NAV3: variants seen among roughly 807,000 people sequenced by gnomAD.
NAV3 encodes neuron navigator 3, also known as pore membrane and/or filament interacting like protein 1.
In NAV3, 87 loss-of-function variants were observed where a neutral mutation model predicts 244.7. The ratio of observed to expected loss-of-function variants is 0.36; its 90% CI spans 0.30 to 0.42. The LOEUF is 0.42. NAV3 is among the 20% of genes least tolerant of loss of function. The probability of loss-of-function intolerance (pLI) is 1.00; values close to 1 mark genes in which losing one functional copy is unlikely to be tolerated. For missense variants in NAV3, 2,663 were observed against 2,893.3 expected (o/e 0.92, Z 1.83); for synonymous variants, 1,126 against 1,042.2 (o/e 1.08, Z -1.55).
At chr12:77,605,690 G>A (rs1870640030) in intron 2 of NAV3, among the ~76,000 whole-genome samples, 1 of 152,044 alleles carries the variant, frequency 6.6e-6, no homozygotes, top group African/African-American at 2.4e-5. Context: ...TAGTAAAAGA[G>A]TACATCCTAT....
At chr12:77,827,252 A>C (rs1399387288), upstream of NAV3, among the ~76,000 whole-genome samples, 1 of 151,416 alleles carries the variant, frequency 6.6e-6, no homozygotes, top group East Asian at 1.9e-4. Context: ...AAAAAAAAAA[A>C]AAAAAAAAAG....
rs558499222 is a variant in NAV3 at position 77,830,924 on chromosome 12, G to A, written c.-538G>A. The A allele has an allele frequency of 6.6e-6, 1 of 152,206 alleles. No individual in the cohort carries two copies. The highest frequency in any genetic ancestry group is 6.5e-5 in the Admixed American group (1 of 15,290). 9.4% of individuals were successfully genotyped at this position (152,206 alleles called of 1,614,324 possible). On this transcript the variant is annotated 5_prime_UTR_variant, in exon 1 of 40. Coordinates refer to ENST00000397909, the MANE Select transcript of NAV3 (RefSeq NM_001024383.2). ...CAGGAAGAACCCCTGTCCTTCCACTGTTGTGGTCTTTTGGCTGCTCTGACA... is the reference window on the plus strand; with the variant it reads ...CAGGAAGAACCCCTGTCCTTCCACTATTGTGGTCTTTTGGCTGCTCTGACA...
At chr12:77,727,049 TAGC>T (rs1876909228) in intron 2 of NAV3, among the ~76,000 whole-genome samples, 1 of 152,060 alleles carries the variant, frequency 6.6e-6, no homozygotes, top group East Asian at 1.9e-4. Flanking sequence ...TGAATGAAGA[TAGC>T]AGAAGGAGAC....
intron 9 of NAV3, among the ~76,000 whole-genome samples, chr12:78,035,034 T>G (rs182501905): frequency 6.6e-6 from 1 of 152,202 alleles, no homozygotes; most frequent in South Asian, 2.1e-4. Flanking sequence ...AATTTCCTTT[T>G]CATATCTATA....
intron 1 of NAV3, among the ~76,000 whole-genome samples, chr12:77,920,066 T>C (rs1190529274): frequency 1.3e-5 from 2 of 152,178 alleles, no homozygotes; most frequent in East Asian, 3.9e-4. Context: ...TGTTAAGAAC[T>C]CTAGAGATTG....
chr12:77,813,501 C>A (rs1872391754), intron 2 of NAV3, among the ~76,000 whole-genome samples: 1 of 152,116 alleles, frequency 6.6e-6, no homozygotes, highest in South Asian at 2.1e-4. Flanking sequence ...ATTCAGATCA[C>A]CAGATATCAT....
chr12:78,123,755 G>A (rs749606108), intron 16 of NAV3, among the ~76,000 whole-genome samples: 5 of 152,164 alleles, frequency 3.3e-5, no homozygotes, highest in Non-Finnish European at 5.9e-5. Flanking sequence ...CTCAGTGATA[G>A]CAAATAAAAT....
At chr12:77,621,661 T>G (rs889668818) in intron 2 of NAV3, among the ~76,000 whole-genome samples, 8 of 151,704 alleles carry the variant, frequency 5.3e-5, no homozygotes, top group African/African-American at 1.9e-4. Flanking sequence ...TGTATTTTTA[T>G]TAGAGACGGG....
At chr12:77,630,193 T>C (rs1233780823) in intron 2 of NAV3, among the ~76,000 whole-genome samples, 4 of 151,340 alleles carry the variant, frequency 2.6e-5, no homozygotes, top group Non-Finnish European at 4.4e-5. Flanking sequence ...GGAGGAGGAG[T>C]GTGAACAGCA....
chr12:77,703,650 G>A (rs1209862013), intron 2 of NAV3, among the ~76,000 whole-genome samples: 1 of 152,044 alleles, frequency 6.6e-6, no homozygotes, highest in Non-Finnish European at 1.5e-5. Context: ...AAACTATGAG[G>A]GTTCAAATTC....
At chr12:77,616,849 TCAA>T (rs1268558908) in intron 2 of NAV3, among the ~76,000 whole-genome samples, 1 of 152,188 alleles carries the variant, frequency 6.6e-6, no homozygotes, top group Non-Finnish European at 1.5e-5. Context: ...GCAGAAAATC[TCAA>T]CAACTTTTCT....
intron 2 of NAV3, among the ~76,000 whole-genome samples, chr12:77,769,521 C>T (rs1246977418): frequency 6.6e-6 from 1 of 152,120 alleles, no homozygotes; most frequent in Admixed American, 6.5e-5. Context: ...TTTCTCTATA[C>T]ATTTTTTTAT....
chr12:78,109,779 A>G (rs1954993884), intron 12 of NAV3, among the ~76,000 whole-genome samples: 1 of 151,972 alleles, frequency 6.6e-6, no homozygotes, highest in African/African-American at 2.4e-5. Flanking sequence ...AAAACTCAGC[A>G]TAGAAGAAAC....
chr12:77,777,656 G>A (rs1301630933), intron 2 of NAV3, among the ~76,000 whole-genome samples: 1 of 152,152 alleles, frequency 6.6e-6, no homozygotes, highest in Non-Finnish European at 1.5e-5. Context: ...CAGTGGATAA[G>A]GGGTACTACT....
chr12:77,902,162 T>C (rs1486561704), intron 1 of NAV3, among the ~76,000 whole-genome samples: 1 of 152,208 alleles, frequency 6.6e-6, no homozygotes, highest in Middle Eastern at 3.2e-3. Context: ...TAGTGGAACA[T>C]CTCTTAATTA....
chr12:78,172,492 G>A (rs550279545), intron 24 of NAV3, among the ~76,000 whole-genome samples: 2 of 151,664 alleles, frequency 1.3e-5, no homozygotes, highest in East Asian at 3.9e-4. Flanking sequence ...TGTGATCATT[G>A]GTGAAGCTGA....
At chr12:77,584,155 T>C (rs887167453) in intron 2 of NAV3, among the ~76,000 whole-genome samples, 1 of 151,936 alleles carries the variant, frequency 6.6e-6, no homozygotes, top group African/African-American at 2.4e-5. Context: ...TACTCATGTA[T>C]TGTTTGTTTG....
chr12:78,098,832 GA>G (rs1954390078), intron 12 of NAV3, among the ~76,000 whole-genome samples: 1 of 151,122 alleles, frequency 6.6e-6, no homozygotes, highest in Admixed American at 6.6e-5. Context: ...GTAAGTTATA[GA>G]AAAACTCAGT....
intron 12 of NAV3, among the ~76,000 whole-genome samples, chr12:78,059,365 T>A (rs1270670861): frequency 6.6e-6 from 1 of 152,102 alleles, no homozygotes; most frequent in Non-Finnish European, 1.5e-5. Context: ...CTCAGCTCAC[T>A]GCAACCTCTG....
Sources: allele counts gnomAD v4.1 joint callset (sites outside exome capture counted in the v4.1 genomes callset), GRCh38; gene constraint gnomAD v4.1.1; transcripts MANE v1.5; gene names NCBI Gene and HGNC (gene_info 2026-07-23, HGNC 2026-07-21).